EPB41L4B: variants seen among roughly 807,000 people sequenced by gnomAD.
EPB41L4B encodes band 4.1-like protein 4B.
EPB41L4B carries 30 observed loss-of-function variants against 112.5 expected under a neutral mutation model. The ratio of observed to expected loss-of-function variants is 0.27; its 90% CI spans 0.20 to 0.36. The LOEUF (loss-of-function observed/expected upper bound fraction) is 0.36. Among genes scored for constraint, EPB41L4B ranks in the 10% least tolerant of loss-of-function variants. The probability of loss-of-function intolerance (pLI) is 1.00; values close to 1 mark genes in which losing one functional copy is unlikely to be tolerated. For synonymous variants in EPB41L4B, 408 were observed against 439.7 expected (o/e 0.93, Z 0.90); for missense variants, 1,024 against 1,133.3 (o/e 0.90, Z 1.38).
chr9:109,179,317 C>T (rs968140497), intron 24 of EPB41L4B, among the ~76,000 whole-genome samples: 3 of 152,264 alleles, frequency 2.0e-5, no homozygotes, highest in Non-Finnish European at 2.9e-5. Flanking sequence ...CGCTGCTAAA[C>T]AACCCCTGTC....
intron 1 of EPB41L4B, among the ~76,000 whole-genome samples, chr9:109,308,438 C>T (rs997635968): frequency 3.3e-5 from 5 of 152,090 alleles, no homozygotes; most frequent in Admixed American, 3.3e-4. Context: ...CCTCACTTCT[C>T]CAACAGATAA....
At chr9:109,276,401 C>T (rs1835829161) in intron 2 of EPB41L4B, among the ~76,000 whole-genome samples, 1 of 152,012 alleles carries the variant, frequency 6.6e-6, no homozygotes, top group Non-Finnish European at 1.5e-5. Flanking sequence ...AGCAAAGGCA[C>T]AGAGATAAGT....
chr9:109,200,138 G>A (rs7864511), intron 20 of EPB41L4B, 98 bp downstream of exon 20: 1 of 922,214 alleles, frequency 1.1e-6, no homozygotes, highest in East Asian at 2.5e-5. Flanking sequence ...TTTGGGGGCT[G>A]CTCCCTGGGA....
intron 20 of EPB41L4B, among the ~76,000 whole-genome samples, chr9:109,199,666 C>A (rs1220728660): frequency 6.6e-6 from 1 of 151,772 alleles, no homozygotes; most frequent in Non-Finnish European, 1.5e-5. Context: ...GACTTTGTCT[C>A]AAAAAGAAAA....
intron 2 of EPB41L4B, among the ~76,000 whole-genome samples, chr9:109,274,184 A>G (rs1163576401): frequency 6.6e-6 from 1 of 152,188 alleles, no homozygotes; most frequent in Non-Finnish European, 1.5e-5. Context: ...TGCAAAATGT[A>G]CCATCAGAAA....
chr9:109,284,889 T>C (rs1049332872), intron 1 of EPB41L4B, among the ~76,000 whole-genome samples: 1 of 152,214 alleles, frequency 6.6e-6, no homozygotes, highest in African/African-American at 2.4e-5. Context: ...GGCTCAAGTG[T>C]TTCATTAGAG....
chr9:109,223,869 A>C (rs1173252469), intron 15 of EPB41L4B, among the ~76,000 whole-genome samples: 1 of 152,088 alleles, frequency 6.6e-6, no homozygotes, highest in Non-Finnish European at 1.5e-5. Flanking sequence ...AAATACAAAA[A>C]TTAGCCAGGT....
chr9:109,250,607 A>AGAGC (rs1192652282), intron 13 of EPB41L4B, among the ~76,000 whole-genome samples: 4 of 152,194 alleles, frequency 2.6e-5, no homozygotes, highest in African/African-American at 9.6e-5. Flanking sequence ...AGAGAGAGCA[A>AGAGC]GAGCGGTATA....
At chr9:109,274,084 A>T (rs945660819) in intron 2 of EPB41L4B, among the ~76,000 whole-genome samples, 28 of 152,094 alleles carry the variant, frequency 1.8e-4, no homozygotes, top group Admixed American at 1.4e-3. Flanking sequence ...TGCGCCTCTC[A>T]CTGCCAGATT....
chr9:109,186,270 C>A lies in EPB41L4B; in HGVS notation c.2302-665G>T, dbSNP rs565020950. ...TGTCATGATCTCAGCTCACTGCAAC[C>A]TTTGCCTCTCAGGTTCAAGTGATTC... On this transcript the variant is annotated intron_variant, in intron 22 of 25. Transcript: ENST00000374566. 2.0e-5 allele frequency among the ~76,000 whole-genome samples: 3 copies of A among 152,068 alleles called. No individual in the cohort carries two copies. The South Asian group carries it at 6.2e-4, about 32-fold the overall frequency.
Position 109,256,146 on chromosome 9 carries a change from A to C in EPB41L4B, c.919T>G (p.Leu307Val). ...ACAAAACTAAATTACCAAAAGAATA[A>C]GCCTATTTTGTTAGCTCCTTCAAAG... Reference protein sequence around the residue: ...LIFEGANKIGLFFWPKITKMD... With the variant: ...LIFEGANKIGVFFWPKITKMD... Residue 307 changes from leucine to valine, a missense_variant, in exon 9 of 26, where the codon TTA (leucine) becomes GTA (valine). Physicochemically the swap from Leu to Val is conservative, Grantham distance 32. Coordinates refer to ENST00000374566, the MANE Select transcript of EPB41L4B (RefSeq NM_019114.5). 1 of 1,613,350 alleles carries C rather than the reference A, an allele frequency of 6.2e-7. No individual in the cohort carries two copies. Among genetic ancestry groups the C allele is most frequent in the Non-Finnish European group, 8.5e-7 (1 of 1,179,350 alleles).
At chr9:109,223,189 C>T (rs1331842120) in intron 15 of EPB41L4B, among the ~76,000 whole-genome samples, 2 of 152,120 alleles carry the variant, frequency 1.3e-5, no homozygotes, top group Non-Finnish European at 2.9e-5. Flanking sequence ...CCTGTACTTC[C>T]AGCATTTTGG....
At chr9:109,183,972 G>A (rs1192289718) in intron 23 of EPB41L4B, among the ~76,000 whole-genome samples, 1 of 152,264 alleles carries the variant, frequency 6.6e-6, no homozygotes, top group East Asian at 1.9e-4. Context: ...GTACTGAGAT[G>A]TCCAGCCCAA....
chr9:109,271,511 G>A (rs1429876082), intron 2 of EPB41L4B, among the ~76,000 whole-genome samples: 2 of 152,214 alleles, frequency 1.3e-5, no homozygotes, highest in African/African-American at 4.8e-5. Context: ...CTTAGCTGCA[G>A]GGGCCTTCCA....
intron 15 of EPB41L4B, among the ~76,000 whole-genome samples, chr9:109,219,592 C>A (rs1053097395): frequency 2.0e-5 from 3 of 151,290 alleles, no homozygotes; most frequent in Admixed American, 6.6e-5. Context: ...GATCTCCTGA[C>A]CTTGTGATCC....
intron 9 of EPB41L4B, 106 bp from the exon 10 acceptor site, chr9:109,255,949 A>G: frequency 7.9e-7 from 1 of 1,266,442 alleles, no homozygotes; most frequent in East Asian, 2.4e-5. Flanking sequence ...AAAAAAAAAT[A>G]AAAACATTCA....
intron 1 of EPB41L4B, among the ~76,000 whole-genome samples, chr9:109,301,749 C>T (rs949677274): frequency 6.6e-6 from 1 of 152,192 alleles, no homozygotes; most frequent in African/African-American, 2.4e-5. Flanking sequence ...TAAGCTACAA[C>T]GCGTTGAGAT....
rs1554756264 is a variant in EPB41L4B, at chr9:109,262,452, G to GGTGT, written c.631+594_631+597dup. 1.1e-3 allele frequency among the ~76,000 whole-genome samples: 170 copies of GGTGT among 149,654 alleles called. 1 individual carries two copies. Among genetic ancestry groups the GGTGT allele is most frequent in the Non-Finnish European group, 2.1e-3 (140 of 67,378 alleles). Reference sequence around the variant, plus strand: ...AATGCTATTTCTTGGTGTGTGTGGGGGTGTGTGTGTGTGTGTGTGTGTGTG... The same window carrying GGTGT: ...AATGCTATTTCTTGGTGTGTGTGGGGGTGTGTGTGTGTGTGTGTGTGTGTGTGTG... On this transcript the variant is annotated intron_variant, in intron 6 of 25. Transcript: ENST00000374566.
rs1050846064 is a variant in EPB41L4B at position 109,190,022 on chromosome 9, G to A, written c.2301+2256C>T. 5.3e-5 allele frequency among the ~76,000 whole-genome samples: 8 copies of A among 152,122 alleles called. No homozygotes were observed. In the South Asian group the frequency reaches 6.2e-4, roughly 12 times the overall value. On this transcript the variant is annotated intron_variant, in intron 22 of 25. Transcript: ENST00000374566. ...GTGACCCTGGCTCACTGCAACCTCC[G>A]CCTCCTGGGTTCAAATGATTCTCTT...
Sources: gnomAD v4.1 joint callset for allele counts (sites outside exome capture counted in the v4.1 genomes callset) on GRCh38, gnomAD v4.1.1 for gene constraint, MANE v1.5 for transcripts, NCBI Gene and HGNC (gene_info 2026-07-23, HGNC 2026-07-21) for gene names.